The following TMTC2 variants were observed in gnomAD, a reference collection of about 807,000 sequenced individuals.
TMTC2 encodes the protein protein O-mannosyl-transferase TMTC2.
A neutral mutation model predicts 82.4 loss-of-function variants in TMTC2; 43 were observed. The ratio of observed to expected loss-of-function variants is 0.52; its 90% CI spans 0.41 to 0.67. The LOEUF is 0.67. Among genes scored for constraint, TMTC2 ranks in the 30% least tolerant of loss-of-function variants. The probability of loss-of-function intolerance (pLI) is 0.00; values close to 1 mark genes in which losing one functional copy is unlikely to be tolerated. For synonymous variants in TMTC2, 408 were observed against 381.9 expected (o/e 1.07, Z -0.80); for missense variants, 919 against 1,012.4 (o/e 0.91, Z 1.25).
intron 1 of TMTC2, among the ~76,000 whole-genome samples, chr12:82,728,698 T>C (rs1458691476): frequency 6.6e-6 from 1 of 152,240 alleles, no homozygotes; most frequent in East Asian, 1.9e-4. Flanking sequence ...AGCATGCCGC[T>C]GCACTATGGG....
intron 11 of TMTC2, among the ~76,000 whole-genome samples, chr12:83,119,508 T>C (rs1445832954): frequency 6.6e-6 from 1 of 152,198 alleles, no homozygotes; most frequent in Admixed American, 6.5e-5. Flanking sequence ...TGTGAGAGAG[T>C]GCATGATATA....
chr12:83,057,493 A>G (rs1053568328), intron 10 of TMTC2, among the ~76,000 whole-genome samples: 1 of 151,988 alleles, frequency 6.6e-6, no homozygotes, highest in Non-Finnish European at 1.5e-5. Context: ...TTGTTTTTAC[A>G]TATGTATGAC....
At chr12:82,978,767 C>A (rs1233082811) in intron 7 of TMTC2, among the ~76,000 whole-genome samples, 1 of 151,614 alleles carries the variant, frequency 6.6e-6, no homozygotes, top group East Asian at 1.9e-4. Flanking sequence ...ATGATCTGCC[C>A]GATGCAGAAA....
At chr12:82,746,366 A>G (rs573734073) in intron 1 of TMTC2, among the ~76,000 whole-genome samples, 1 of 152,194 alleles carries the variant, frequency 6.6e-6, no homozygotes, top group East Asian at 1.9e-4. Context: ...TAATAGTAGT[A>G]TTTGGCACTG....
chr12:82,982,855 G>A (rs1403531230), intron 7 of TMTC2, among the ~76,000 whole-genome samples: 1 of 151,946 alleles, frequency 6.6e-6, no homozygotes, highest in Non-Finnish European at 1.5e-5. Context: ...TTAAATTGCA[G>A]TTTTACCATG....
At chr12:82,955,062 G>A (rs80139063) in intron 4 of TMTC2, among the ~76,000 whole-genome samples, 1,656 of 152,284 alleles carry the variant, frequency 0.011, 20 homozygotes, top group Non-Finnish European at 0.016. Context: ...ATTGTAGTTA[G>A]TTGATATGAA....
intron 1 of TMTC2, among the ~76,000 whole-genome samples, chr12:82,712,302 C>T (rs572883857): frequency 5.9e-5 from 9 of 152,106 alleles, no homozygotes; most frequent in East Asian, 1.9e-4. Context: ...TGGTGGCACG[C>T]GCCTGTAATC....
At chr12:83,034,214 A>G (rs546361484) in intron 9 of TMTC2, among the ~76,000 whole-genome samples, 25 of 152,196 alleles carry the variant, frequency 1.6e-4, no homozygotes, top group Middle Eastern at 3.4e-3. Flanking sequence ...GAAGTTGGAT[A>G]CTCCTTGAAA....
chr12:83,008,710 A>T (rs566344309), intron 8 of TMTC2, among the ~76,000 whole-genome samples: 54 of 152,238 alleles, frequency 3.5e-4, no homozygotes, highest in Middle Eastern at 3.4e-3. Flanking sequence ...TGATGAATGC[A>T]GGACATGTTG....
At position 82,909,857 on chromosome 12, in the gene TMTC2, AT is replaced by A. The variant is rs371030193; in HGVS notation, c.1483+13214del. 1.3e-3 allele frequency among the ~76,000 whole-genome samples: 197 copies of A among 152,314 alleles called. 4 individuals carry two copies. The South Asian group carries it at 0.025, about 19-fold the overall frequency. ...AATGATTAGCTATGTTAGAAGTTCT[AT>A]TTGAGAATAGAGTTAAGATCAGAGC... On this transcript the variant is annotated intron_variant, in intron 3 of 11. Transcript: ENST00000321196.
At chr12:82,885,785 C>G (rs1410591163) in intron 2 of TMTC2, among the ~76,000 whole-genome samples, 1 of 152,142 alleles carries the variant, frequency 6.6e-6, no homozygotes, top group Admixed American at 6.6e-5. Context: ...CCTTCATCAC[C>G]TGCCAGTGAT....
intron 8 of TMTC2, among the ~76,000 whole-genome samples, chr12:83,004,945 A>T (rs941658936): frequency 1.3e-5 from 2 of 150,860 alleles, no homozygotes; most frequent in Admixed American, 6.6e-5. Flanking sequence ...TGAGGTCAGG[A>T]CTTCGTGACC....
At chr12:82,937,788 A>ATGTG (rs1565818439) in intron 4 of TMTC2, among the ~76,000 whole-genome samples, 2 of 22,188 alleles carry the variant, frequency 9.0e-5, no homozygotes, top group African/African-American at 2.7e-4. Context: ...ATATATATAT[A>ATGTG]TATATATACA....
chr12:82,966,616 A>G (rs890327465), intron 6 of TMTC2, among the ~76,000 whole-genome samples: 47 of 152,244 alleles, frequency 3.1e-4, no homozygotes, highest in African/African-American at 1.1e-3. Context: ...GTATATATAT[A>G]TAGTTTTTTT....
intron 11 of TMTC2, among the ~76,000 whole-genome samples, chr12:83,062,276 G>T (rs1882771460): frequency 6.6e-6 from 1 of 151,534 alleles, no homozygotes. Flanking sequence ...TCTAATAACT[G>T]TGCTTTTCAA....
At chr12:83,097,428 T>C (rs1884067142) in intron 11 of TMTC2, among the ~76,000 whole-genome samples, 1 of 152,184 alleles carries the variant, frequency 6.6e-6, no homozygotes, top group South Asian at 2.1e-4. Flanking sequence ...TATTTTTCCC[T>C]TGGGCTCACA....
intron 11 of TMTC2, among the ~76,000 whole-genome samples, chr12:83,087,335 C>T (rs775904963): frequency 6.6e-6 from 1 of 152,020 alleles, no homozygotes; most frequent in Non-Finnish European, 1.5e-5. Context: ...AAATTTTGAC[C>T]CCTCGAAGTC....
In TMTC2 at chr12:82,707,083, A is replaced by T. The variant is rs148044603; in HGVS notation, c.83+19414A>T. Among the ~76,000 whole-genome samples the T allele has an allele frequency of 2.0e-3, 312 of 152,360 alleles. 1 individual carries two copies. Among genetic ancestry groups the T allele is most frequent in the African/African-American group, 7.0e-3 (291 of 41,588 alleles). On this transcript the variant is annotated intron_variant, in intron 1 of 11. Coordinates refer to ENST00000321196, the MANE Select transcript of TMTC2 (RefSeq NM_152588.3). ...CTCAATATGTTTGAGCTGCTGTAAC[A>T]AAATACTATAAACTAGGCAGCTTAT...
chr12:83,021,055 G>A (rs1880895189), intron 8 of TMTC2, among the ~76,000 whole-genome samples: 1 of 152,064 alleles, frequency 6.6e-6, no homozygotes, highest in South Asian at 2.1e-4. Flanking sequence ...AAATGGTCCT[G>A]TATGTTTACT....
Sources: gnomAD v4.1 joint callset for allele counts (sites outside exome capture counted in the v4.1 genomes callset) on GRCh38, gnomAD v4.1.1 for gene constraint, MANE v1.5 for transcripts, NCBI Gene and HGNC (gene_info 2026-07-23, HGNC 2026-07-21) for gene names.